CNTLN: variants seen among roughly 807,000 people sequenced by gnomAD.
The protein encoded by CNTLN is centlein, also known as centlein, centrosomal protein.
In CNTLN, 212 loss-of-function variants were observed where a neutral mutation model predicts 180.0. The observed-to-expected ratio is 1.18, with a 90% CI of 1.05 to 1.32. CNTLN has a LOEUF of 1.32. Among genes scored for constraint, CNTLN ranks in the 40% most tolerant of loss-of-function variants. The pLI, the probability that CNTLN is intolerant of heterozygous loss-of-function variation, is 0.00. For synonymous variants in CNTLN, 722 were observed against 563.1 expected (o/e 1.28, Z -3.99); for missense variants, 2,095 against 1,610.9 (o/e 1.30, Z -5.14).
chr9:17,161,652 C>T (rs1359391053), intron 2 of CNTLN, among the ~76,000 whole-genome samples: 1 of 152,128 alleles, frequency 6.6e-6, no homozygotes, highest in Non-Finnish European at 1.5e-5. Flanking sequence ...GTTATTTTTT[C>T]CATAAAGAAC....
chr9:17,501,341 C>G (rs549386000), intron 25 of CNTLN, among the ~76,000 whole-genome samples: 25 of 152,326 alleles, frequency 1.6e-4, no homozygotes, highest in African/African-American at 5.8e-4. Flanking sequence ...CTCTTTGGGT[C>G]TGAGGCAGTT....
At chr9:17,413,416 A>T (rs2133868584) in intron 16 of CNTLN, among the ~76,000 whole-genome samples, 1 of 152,242 alleles carries the variant, frequency 6.6e-6, no homozygotes, top group Non-Finnish European at 1.5e-5. Context: ...AGTAAATTAG[A>T]CTTCATTAAA....
intron 18 of CNTLN, among the ~76,000 whole-genome samples, chr9:17,438,262 C>G (rs1829896245): frequency 6.6e-6 from 1 of 151,836 alleles, no homozygotes; most frequent in African/African-American, 2.4e-5. Context: ...ATGCAAGCAA[C>G]TAGATAAATT....
chr9:17,163,892 A>G (rs778570865), intron 2 of CNTLN, among the ~76,000 whole-genome samples: 2 of 151,600 alleles, frequency 1.3e-5, no homozygotes, highest in African/African-American at 2.4e-5. Context: ...GGTGGTGCAC[A>G]TCTATAGTTT....
chr9:17,274,025 T>G (rs1293308838), intron 6 of CNTLN, among the ~76,000 whole-genome samples, 159 bp downstream of exon 6: 2 of 152,130 alleles, frequency 1.3e-5, no homozygotes, highest in African/African-American at 2.4e-5. Flanking sequence ...TACACTAACT[T>G]GAAAAATTGC....
intron 5 of CNTLN, among the ~76,000 whole-genome samples, chr9:17,244,692 G>C (rs1382738579): frequency 1.3e-5 from 2 of 151,822 alleles, no homozygotes; most frequent in Non-Finnish European, 2.9e-5. Flanking sequence ...TTTGCTTCCT[G>C]GTTGTTTTGT....
chr9:17,323,022 A>C (rs888039588), intron 8 of CNTLN, among the ~76,000 whole-genome samples: 3 of 152,158 alleles, frequency 2.0e-5, no homozygotes, highest in Non-Finnish European at 4.4e-5. Flanking sequence ...GAATTAACTA[A>C]ATCTGATTTT....
intron 2 of CNTLN, among the ~76,000 whole-genome samples, chr9:17,146,525 C>T (rs1818468802): frequency 6.6e-6 from 1 of 152,104 alleles, no homozygotes; most frequent in Non-Finnish European, 1.5e-5. Context: ...GATTAGTGCC[C>T]TTATAAAGGG....
intron 6 of CNTLN, among the ~76,000 whole-genome samples, chr9:17,274,321 G>T (rs2779775): frequency 0.47 from 70,380 of 150,588 alleles, 17,184 homozygotes; most frequent in South Asian, 0.69. Context: ...CTTGAAAAAG[G>T]AAGCACGATA....
chr9:17,527,820 A>G, the CNTLN span, among the ~76,000 whole-genome samples: 1 of 152,060 alleles, frequency 6.6e-6, no homozygotes, highest in South Asian at 2.1e-4. Flanking sequence ...GCCAGAAGGT[A>G]AGACAGTGCT....
intron 3 of CNTLN, 49 bp downstream of exon 3, chr9:17,226,336 A>T: frequency 1.0e-6 from 1 of 999,248 alleles, no homozygotes; most frequent in African/African-American, 1.7e-5. Context: ...TGTTTTGGGT[A>T]GTAGATCTTC....
At chr9:17,471,735 T>C (rs1345056815) in intron 23 of CNTLN, among the ~76,000 whole-genome samples, 1 of 152,058 alleles carries the variant, frequency 6.6e-6, no homozygotes, top group Non-Finnish European at 1.5e-5. Context: ...GAGGTGGCTT[T>C]AGAGTTGCTC....
At chr9:17,360,860 G>A (rs1823321648) in intron 12 of CNTLN, among the ~76,000 whole-genome samples, 1 of 152,146 alleles carries the variant, frequency 6.6e-6, no homozygotes, top group Admixed American at 6.5e-5. Context: ...CTTGTTGAAT[G>A]TTCCATGGCA....
At chr9:17,416,498 T>C (rs565778887) in intron 18 of CNTLN, among the ~76,000 whole-genome samples, 3 of 152,314 alleles carry the variant, frequency 2.0e-5, no homozygotes, top group Admixed American at 6.5e-5. Flanking sequence ...ATCTTAGTGT[T>C]TAAAAGCAGG....
intron 2 of CNTLN, among the ~76,000 whole-genome samples, chr9:17,171,409 A>G (rs1211172150): frequency 6.6e-6 from 1 of 152,178 alleles, no homozygotes; most frequent in Non-Finnish European, 1.5e-5. Context: ...TATAGTCTCC[A>G]TGCAGTTTTG....
At chr9:17,186,851 A>T (rs991170611) in intron 2 of CNTLN, among the ~76,000 whole-genome samples, 1 of 152,062 alleles carries the variant, frequency 6.6e-6, no homozygotes, top group Non-Finnish European at 1.5e-5. Context: ...ATAATGCTTG[A>T]GTCCTACATT....
At chr9:17,211,168 C>T (rs1823275381) in intron 2 of CNTLN, among the ~76,000 whole-genome samples, 2 of 152,092 alleles carry the variant, frequency 1.3e-5, no homozygotes, top group Non-Finnish European at 2.9e-5. Context: ...AGGTTTTCTT[C>T]TAGGGTTTTT....
Position 17,330,775 on chromosome 9 carries a change from G to A in CNTLN, c.1485G>A (p.Lys495=). ...NISANKGFSR[K]SIMTSAEGKH... is the part of the protein sequence containing the mutation. ...CTGCCAACAAGGGTTTCTCCCGAAA[G>A]AGCATCATGACAAGTGCTGAAGGAA... Residue 495 remains lysine (K), a synonymous_variant, in exon 9 of 26, where the codon AAG becomes AAA. Transcript: ENST00000380647. 1 of 1,609,648 alleles carries A rather than the reference G, an allele frequency of 6.2e-7. No individual in the cohort carries two copies. The highest frequency in any genetic ancestry group is 8.5e-7 in the Non-Finnish European group (1 of 1,177,766).
chr9:17,427,842 A>G (rs1829187286), intron 18 of CNTLN, among the ~76,000 whole-genome samples: 1 of 152,202 alleles, frequency 6.6e-6, no homozygotes, highest in Non-Finnish European at 1.5e-5. Flanking sequence ...TTGGCTGCAT[A>G]GTAACCCATT....
Sources: gnomAD v4.1 joint callset for allele counts (sites outside exome capture counted in the v4.1 genomes callset) on GRCh38, gnomAD v4.1.1 for gene constraint, MANE v1.5 for transcripts, NCBI Gene and HGNC (gene_info 2026-07-23, HGNC 2026-07-21) for gene names.